Variants in ASCC2 observed in about 807,000 individuals in gnomAD.
ASCC2 encodes ASC-1 complex subunit P100.
A neutral mutation model predicts 93.5 loss-of-function variants in ASCC2; 42 were observed. The ratio of observed to expected loss-of-function variants is 0.45; its 90% CI spans 0.35 to 0.58. ASCC2 has a LOEUF of 0.58. Among genes scored for constraint, ASCC2 ranks in the 20% least tolerant of loss-of-function variants. The pLI, the probability that ASCC2 is intolerant of heterozygous loss-of-function variation, is 0.00. For missense variants in ASCC2, 859 were observed against 977.6 expected, an observed-to-expected ratio of 0.88 and a Z score of 1.62; for synonymous variants, 364 against 384.2, an observed-to-expected ratio of 0.95 and a Z score of 0.62.
intron 8 of ASCC2, among the ~76,000 whole-genome samples, chr22:29,809,465 CAG>C (rs1285129466): frequency 6.6e-6 from 1 of 151,972 alleles, no homozygotes; most frequent in Non-Finnish European, 1.5e-5. Context: ...ACTGAGATTA[CAG>C]GTACCTGGCT....
In ASCC2 at chr22:29,804,594, A is replaced by G. The variant is rs750509344; in HGVS notation, c.1353+44T>C. ...TGCCCCAGCCTCTCAGATAGGGCCA[A>G]GGAGGGACAAGCGAAGAGGGAAAAG... On this transcript the variant is annotated intron_variant, in intron 13 of 19. Transcript: ENST00000307790. 3.1e-6 allele frequency: 5 copies of G among 1,597,152 alleles called. No homozygotes were observed. The South Asian group carries it at 5.6e-5, about 18-fold the overall frequency.
At chr22:29,829,707 A>C (rs1024930050) in intron 2 of ASCC2, among the ~76,000 whole-genome samples, 2 of 151,992 alleles carry the variant, frequency 1.3e-5, no homozygotes, top group Non-Finnish European at 1.5e-5. Flanking sequence ...TGGGAAAAAA[A>C]AAAAATGGTT....
chr22:29,821,165 T>G (rs112336290), intron 5 of ASCC2, among the ~76,000 whole-genome samples: 4,006 of 152,118 alleles, frequency 0.026, 84 homozygotes, highest in East Asian at 0.065. Flanking sequence ...TCTTATTTTT[T>G]TGTGTGTGTG....
intron 15 of ASCC2, among the ~76,000 whole-genome samples, chr22:29,794,877 A>G (rs2058228472): frequency 1.3e-5 from 2 of 152,222 alleles, no homozygotes; most frequent in Non-Finnish European, 2.9e-5. Flanking sequence ...TATGCATGAC[A>G]ATGCAGACAG....
At chr22:29,833,754 T>C (rs1445525666) in intron 1 of ASCC2, 2 of 374,852 alleles carry the variant, frequency 5.3e-6, no homozygotes, top group Admixed American at 3.3e-5. Context: ...GATTAAACTG[T>C]CACCTCTTGA....
At chr22:29,808,237 T>G in intron 8 of ASCC2, 52 bp from the exon 9 acceptor site, 1 of 1,573,010 alleles carries the variant, frequency 6.4e-7, no homozygotes, top group Non-Finnish European at 8.7e-7. Context: ...AATACCACAC[T>G]TCATAAGAAC....
intron 1 of ASCC2, chr22:29,832,579 T>A: frequency 2.9e-6 from 1 of 348,398 alleles, no homozygotes; most frequent in Non-Finnish European, 5.2e-6. Flanking sequence ...CTGATATATT[T>A]CCACCCACTT....
rs1199719973 is a variant in ASCC2 at position 29,825,968 on chromosome 22, T to C, written c.82-188A>G. On this transcript the variant is annotated intron_variant, in intron 2 of 19. Transcript: ENST00000307790. This position sits in a 1 kb window ranked among gnomAD's most constrained non-coding sequence, Gnocchi z 4.9. ...CATTCAGCGAACACTAGGCGGTAAT[T>C]AAAATCCATGTTTTCGGAGTGGATT... 2 of 567,154 alleles carry C rather than the reference T, an allele frequency of 3.5e-6. No individual in the cohort carries two copies. Among genetic ancestry groups the C allele is most frequent in the East Asian group, 3.1e-5 (1 of 32,674 alleles). 35.1% of individuals were successfully genotyped at this position (567,154 alleles called of 1,614,324 possible).
Position 29,801,012 on chromosome 22 carries a change from C to A in ASCC2, c.1667G>T (p.Ser556Ile). Residue 556 changes from serine to isoleucine, a missense_variant, in exon 15 of 20, where the codon AGC (serine) becomes ATC (isoleucine). By Grantham distance (142) the Ser-to-Ile change is moderately radical. Coordinates refer to ENST00000307790, the MANE Select transcript of ASCC2 (RefSeq NM_032204.5). ...TCACCTCTTGCCCTTGTGCACCCGG[C>A]TCAGGTCTACTGAGTCCCTGCTGAA... ...DVFSRDSVDLSRVHKGKSTRK... is the reference protein window; with the variant it reads ...DVFSRDSVDLIRVHKGKSTRK... 6 of 1,598,102 alleles carry A rather than the reference C, an allele frequency of 3.8e-6. No individual in the cohort carries two copies. The highest frequency in any genetic ancestry group is 5.1e-6 in the Non-Finnish European group (6 of 1,167,600).
chr22:29,809,227 A>C (rs1277102945), intron 8 of ASCC2, among the ~76,000 whole-genome samples: 1 of 150,668 alleles, frequency 6.6e-6, no homozygotes, highest in Admixed American at 6.8e-5. Context: ...CCCATTGGAA[A>C]TGAGAAAAAA....
intron 5 of ASCC2, among the ~76,000 whole-genome samples, chr22:29,817,835 A>G (rs1161407803): frequency 1.3e-5 from 2 of 152,228 alleles, no homozygotes; most frequent in African/African-American, 4.8e-5. Context: ...TAGCAATGGC[A>G]TCCTTTGAAA....
At chr22:29,834,202 A>G (rs1238304360) in intron 1 of ASCC2, 1 of 187,660 alleles carries the variant, frequency 5.3e-6, no homozygotes, top group Non-Finnish European at 1.1e-5. Context: ...CTGGTTCTTA[A>G]CTATTCACTA....
chr22:29,814,607 T>C, intron 7 of ASCC2, 50 bp downstream of exon 7: 1 of 1,489,742 alleles, frequency 6.7e-7, no homozygotes, highest in Non-Finnish European at 9.1e-7. Flanking sequence ...AGCTAGGCCC[T>C]GGTTGGAGGG....
chr22:29,790,406 C>T, intron 19 of ASCC2, 63 bp downstream of exon 19: 4 of 1,573,600 alleles, frequency 2.5e-6, no homozygotes, highest in Non-Finnish European at 3.5e-6. Flanking sequence ...TCCTGGGTGG[C>T]TGGCTAGGCC....
At chr22:29,814,114 C>T (rs1448727989) in intron 7 of ASCC2, among the ~76,000 whole-genome samples, 1 of 152,228 alleles carries the variant, frequency 6.6e-6, no homozygotes, top group East Asian at 1.9e-4. Flanking sequence ...GAAATGAGAT[C>T]ACCATCTCCA....
intron 9 of ASCC2, 114 bp downstream of exon 9, chr22:29,807,996 TC>T: frequency 9.9e-7 from 1 of 1,009,324 alleles, no homozygotes; most frequent in Non-Finnish European, 1.5e-6. Flanking sequence ...AGCTGCACAG[TC>T]CCTGGTCCCA....
rs1167373221 is a variant in ASCC2, at chr22:29,808,030, A to G, written c.908+81T>C. On this transcript the variant is annotated intron_variant, in intron 9 of 19. Transcript: ENST00000307790. ...CCACCCACTTGTCTTAGAGATAGGG[A>G]TGCTAATGCCCAGGGAAGGCAGGGC... 3.5e-6 allele frequency: 5 copies of G among 1,417,706 alleles called. No homozygotes were observed. The Admixed American group carries it at 6.9e-5, about 20-fold the overall frequency. The allele number at this position is 1,417,706 out of a possible 1,614,324, so 87.8% of individuals were successfully genotyped here.
chr22:29,806,572 G>A lies in ASCC2; in HGVS notation c.1017-19C>T. ...GTCACAGCTAGAACAAGACACCAGG[G>A]AAGATGAGCTCATGCAATGCAAGAT... On this transcript the variant is annotated intron_variant, in intron 10 of 19. Transcript: ENST00000307790. 6.2e-7 allele frequency: 1 copy of A among 1,608,896 alleles called. No individual in the cohort carries two copies. Among genetic ancestry groups the A allele is most frequent in the Non-Finnish European group, 8.5e-7 (1 of 1,175,962 alleles).
chr22:29,838,151 T>A (rs1467433957), intron 1 of ASCC2, 27 bp downstream of exon 1: 1 of 462,276 alleles, frequency 2.2e-6, no homozygotes, highest in East Asian at 6.7e-5. Flanking sequence ...TTGCCCTGCA[T>A]CTGGCAGGGA....
Sources: allele counts gnomAD v4.1 joint callset (sites outside exome capture counted in the v4.1 genomes callset), GRCh38; gene constraint gnomAD v4.1.1; non-coding constraint Gnocchi (gnomAD v3.1); transcripts MANE v1.5; gene names NCBI Gene and HGNC (gene_info 2026-07-23, HGNC 2026-07-21).